CDH23: variants seen among roughly 807,000 people sequenced by gnomAD.
CDH23 encodes cadherin related 23.
A neutral mutation model predicts 317.1 loss-of-function variants in CDH23; 189 were observed. The observed-to-expected ratio is 0.60, with a 90% CI of 0.53 to 0.67. The LOEUF (loss-of-function observed/expected upper bound fraction) is 0.67, where lower values mean the gene tolerates loss of function less well. Ranked by LOEUF, CDH23 falls within the 30% of genes least tolerant of loss-of-function variation. The probability of loss-of-function intolerance (pLI) is 0.00; values close to 1 mark genes in which losing one functional copy is unlikely to be tolerated. For missense variants in CDH23, 4,401 were observed against 4,592.4 expected, an observed-to-expected ratio of 0.96 and a Z score of 1.20; for synonymous variants, 1,839 against 1,876.8, an observed-to-expected ratio of 0.98 and a Z score of 0.52.
In CDH23 at chr10:71,803,231, C is replaced by A; in HGVS notation, c.7683C>A (p.Asp2561Glu). ...CAGAGGCCTTCCATGTGGACATGGA[C>A]TCGGGCTTGGTGACCACACAGCGGC... ...PGVEAFHVDM[D>E]SGLVTTQRPL... Residue 2561 changes from aspartate to glutamate, a missense_variant, in exon 55 of 70, where the codon GAC (aspartate) becomes GAA (glutamate). Asp to Glu is a conservative substitution (Grantham distance 45). Transcript: ENST00000224721. 6.2e-7 allele frequency: 1 copy of A among 1,603,786 alleles called. No individual in the cohort carries two copies. The highest frequency in any genetic ancestry group is 8.5e-7 in the Non-Finnish European group (1 of 1,174,638).
chr10:71,597,432 C>T (rs910453533), intron 9 of CDH23, among the ~76,000 whole-genome samples: 3 of 152,130 alleles, frequency 2.0e-5, no homozygotes, highest in African/African-American at 7.2e-5. Flanking sequence ...TCTGCCCCAG[C>T]TGTCCTCACC....
rs371962929 is a variant in CDH23 at position 71,712,774 on chromosome 10, C to T, written c.3330C>T (p.Ser1110=). ...PIFLQSSYEA[S]VPEDIPEGHS... The stretch of plus-strand genomic sequence containing the variant: ...TTCTGCAGAGCAGCTATGAGGCCAG[C>T]GTCCCTGAGGACATCCCTGAAGGCC... The change falls in exon 28 of 70, where the codon AGC becomes AGT. Residue 1110 remains serine, a synonymous_variant. Transcript: ENST00000224721. The T allele has an allele frequency of 1.1e-5, 18 of 1,612,914 alleles. No homozygotes were observed. Among genetic ancestry groups the T allele is most frequent in the East Asian group, 8.9e-5 (4 of 44,862 alleles).
At chr10:71,682,861 G>C (rs1864711696) in intron 18 of CDH23, among the ~76,000 whole-genome samples, 2 of 152,186 alleles carry the variant, frequency 1.3e-5, no homozygotes. Context: ...CCTCGGTGGG[G>C]AACAGGAGCT....
At chr10:71,536,920 T>C (rs545098201) in intron 6 of CDH23, among the ~76,000 whole-genome samples, 4 of 152,242 alleles carry the variant, frequency 2.6e-5, no homozygotes, top group Admixed American at 6.5e-5. Flanking sequence ...ACCTCTGCTG[T>C]CCTGCGAGCC....
chr10:71,424,522 C>T (rs1362165381), intron 1 of CDH23, among the ~76,000 whole-genome samples: 2 of 152,200 alleles, frequency 1.3e-5, no homozygotes, highest in African/African-American at 2.4e-5. Flanking sequence ...CCTGTCTCCT[C>T]GATACCCCCA....
At position 71,778,284 on chromosome 10, in the gene CDH23, C is replaced by G. The variant is rs1314036536; in HGVS notation, c.5163C>G (p.Ser1721=). ...VTATDQCPIL[S]HRLTSTTTVL... ...CCACAGACCAGTGCCCCATCTTATC[C>G]CACCGCCTCACCTCTACCACCACGG... Residue 1721 remains serine (S), a synonymous_variant, in exon 40 of 70, where the codon TCC becomes TCG. Coordinates refer to ENST00000224721, the MANE Select transcript of CDH23 (RefSeq NM_022124.6). The G allele has an allele frequency of 6.2e-7, 1 of 1,613,972 alleles. No individual in the cohort carries two copies. The highest frequency in any genetic ancestry group is 8.5e-7 in the Non-Finnish European group (1 of 1,179,894).
At chr10:71,452,984 G>T (rs1850522795) in intron 3 of CDH23, among the ~76,000 whole-genome samples, 1 of 152,130 alleles carries the variant, frequency 6.6e-6, no homozygotes, top group African/African-American at 2.4e-5. Context: ...TGGGTGAGTG[G>T]GTAGATGAGT....
chr10:71,535,681 C>T (rs896359135), intron 6 of CDH23, among the ~76,000 whole-genome samples: 3 of 152,240 alleles, frequency 2.0e-5, no homozygotes, highest in African/African-American at 7.2e-5. Context: ...GGCAACTGTC[C>T]CTGGCTGGCT....
chr10:71,552,344 C>T (rs1029929218), intron 6 of CDH23, among the ~76,000 whole-genome samples: 3 of 152,320 alleles, frequency 2.0e-5, no homozygotes, highest in East Asian at 1.9e-4. Flanking sequence ...AGGCCTCTGG[C>T]GTCCTGGCTT....
chr10:71,793,002 A>G (rs987864296), intron 47 of CDH23, among the ~76,000 whole-genome samples, 180 bp from the exon 48 acceptor site: 11 of 151,874 alleles, frequency 7.2e-5, no homozygotes, highest in African/African-American at 2.7e-4. Context: ...ATCAAAGAAT[A>G]TAAAATAAAA....
intron 1 of CDH23, among the ~76,000 whole-genome samples, chr10:71,409,501 T>A (rs1848256769): frequency 6.6e-6 from 1 of 152,132 alleles, no homozygotes; most frequent in South Asian, 2.1e-4. Context: ...TAGAATTCAT[T>A]CCCAGAGTAG....
intron 38 of CDH23, chr10:71,773,527 G>C (rs754216647): frequency 1.2e-5 from 16 of 1,295,232 alleles, no homozygotes; most frequent in Non-Finnish European, 1.6e-5. Flanking sequence ...GACTGAGTGC[G>C]AGCGAGTGAG....
intron 9 of CDH23, among the ~76,000 whole-genome samples, chr10:71,606,373 A>G (rs1860526666): frequency 6.6e-6 from 1 of 152,200 alleles, no homozygotes; most frequent in Non-Finnish European, 1.5e-5. Flanking sequence ...TCAGGAGGGT[A>G]TTACAGCCCC....
intron 12 of CDH23, 51 bp downstream of exon 12, chr10:71,643,917 G>A (rs1245387577): frequency 2.6e-6 from 2 of 765,370 alleles, no homozygotes; most frequent in Non-Finnish European, 4.8e-6. Context: ...GGCTTGTGGT[G>A]GGCACAGTGG....
intron 11 of CDH23, among the ~76,000 whole-genome samples, chr10:71,618,783 G>T (rs945106670): frequency 2.6e-5 from 4 of 152,166 alleles, no homozygotes; most frequent in Non-Finnish European, 4.4e-5. Flanking sequence ...AGGACTCAGG[G>T]CACGTGGGCA....
At chr10:71,484,131 C>G (rs1313395385) in intron 3 of CDH23, among the ~76,000 whole-genome samples, 1 of 152,238 alleles carries the variant, frequency 6.6e-6, no homozygotes. Flanking sequence ...GGCCCCATTA[C>G]TCACAGGTGG....
intron 9 of CDH23, among the ~76,000 whole-genome samples, chr10:71,611,575 G>T (rs796278948): frequency 1.0e-3 from 157 of 152,260 alleles, no homozygotes; most frequent in African/African-American, 3.5e-3. Flanking sequence ...TCCTTAAAGT[G>T]ACAGCCTGGG....
chr10:71,668,798 C>T (rs79304086), intron 14 of CDH23, among the ~76,000 whole-genome samples: 2,470 of 152,348 alleles, frequency 0.016, 71 homozygotes, highest in African/African-American at 0.057. Flanking sequence ...TCCCCCACCA[C>T]AGGCTCCTCC....
intron 2 of CDH23, among the ~76,000 whole-genome samples, chr10:71,445,369 C>A (rs1456150360): frequency 6.6e-6 from 1 of 152,190 alleles, no homozygotes; most frequent in Non-Finnish European, 1.5e-5. Context: ...CATCCCTTCA[C>A]ACACCAAATC....
Sources: allele counts gnomAD v4.1 joint callset (sites outside exome capture counted in the v4.1 genomes callset), GRCh38; gene constraint gnomAD v4.1.1; transcripts MANE v1.5; gene names NCBI Gene and HGNC (gene_info 2026-07-23, HGNC 2026-07-21).